KCND2: variants seen among roughly 807,000 people sequenced by gnomAD.
The protein encoded by KCND2 is A-type voltage-gated potassium channel KCND2.
KCND2 carries 16 observed loss-of-function variants against 54.4 expected under a neutral mutation model. The ratio of observed to expected loss-of-function variants is 0.29; its 90% CI spans 0.20 to 0.45. The LOEUF (loss-of-function observed/expected upper bound fraction) is 0.45, where lower values mean the gene tolerates loss of function less well. KCND2 is among the 20% of genes least tolerant of loss of function. KCND2 has a pLI of 1.00. For synonymous variants in KCND2, 317 were observed against 310.7 expected, an observed-to-expected ratio of 1.02 and a Z score of -0.21; for missense variants, 486 against 824.2, an observed-to-expected ratio of 0.59 and a Z score of 5.02.
At chr7:120,373,769 A>G (rs1021524330) in intron 1 of KCND2, among the ~76,000 whole-genome samples, 5 of 151,830 alleles carry the variant, frequency 3.3e-5, no homozygotes, top group African/African-American at 1.2e-4. Context: ...TATTTTGTGT[A>G]TGGAGGAGAG....
At chr7:120,549,967 A>G (rs1296857542) in intron 1 of KCND2, among the ~76,000 whole-genome samples, 2 of 152,258 alleles carry the variant, frequency 1.3e-5, no homozygotes, top group Middle Eastern at 3.4e-3. Flanking sequence ...ATAAGAGCAT[A>G]AAGATAAAGG....
intron 1 of KCND2, among the ~76,000 whole-genome samples, chr7:120,640,047 T>C (rs1455738193): frequency 6.6e-6 from 1 of 152,208 alleles, no homozygotes; most frequent in Non-Finnish European, 1.5e-5. Flanking sequence ...ATGTATCTTT[T>C]TAATAACATT....
intron 1 of KCND2, among the ~76,000 whole-genome samples, chr7:120,374,413 C>T (rs79898811): frequency 2.6e-5 from 4 of 151,650 alleles, no homozygotes; most frequent in African/African-American, 9.7e-5. Context: ...CCCACTCCCC[C>T]AACCCCCGAA....
chr7:120,410,149 T>A (rs1402605481), intron 1 of KCND2, among the ~76,000 whole-genome samples: 1 of 151,924 alleles, frequency 6.6e-6, no homozygotes, highest in Non-Finnish European at 1.5e-5. Flanking sequence ...AAAGATCATC[T>A]TTTTTTATTA....
Position 120,503,385 on chromosome 7 carries a change from T to TGAGAGAGAGAGAGAGA in KCND2, c.1115+227646_1115+227661dup, listed in dbSNP as rs58222636. Reference sequence around the variant, plus strand: ...TGAGATTACAAATTAGTCTCTAGAGTGAGAGAGAGAGAGAGAGAGAGAGTT... The same window carrying TGAGAGAGAGAGAGAGA: ...TGAGATTACAAATTAGTCTCTAGAGTGAGAGAGAGAGAGAGAGAGAGAGAGAGAGAGAGAGAGAGTT... On this transcript the variant is annotated intron_variant, in intron 1 of 5. Coordinates refer to ENST00000331113, the MANE Select transcript of KCND2 (RefSeq NM_012281.3). Among the ~76,000 whole-genome samples the TGAGAGAGAGAGAGAGA allele has an allele frequency of 3.2e-3, 472 of 146,660 alleles. 3 individuals carry two copies. Among genetic ancestry groups the TGAGAGAGAGAGAGAGA allele is most frequent in the East Asian group, 0.014 (69 of 4,988 alleles).
At chr7:120,324,675 C>T (rs917141560) in intron 1 of KCND2, among the ~76,000 whole-genome samples, 4 of 151,044 alleles carry the variant, frequency 2.6e-5, no homozygotes, top group Non-Finnish European at 4.5e-5. Context: ...GTTTTGGTAC[C>T]AGTACCATGC....
At chr7:120,552,405 G>C (rs939555043) in intron 1 of KCND2, among the ~76,000 whole-genome samples, 1 of 152,112 alleles carries the variant, frequency 6.6e-6, no homozygotes, top group Non-Finnish European at 1.5e-5. Context: ...TCTTGTCTGG[G>C]TTCTGTAACA....
intron 1 of KCND2, among the ~76,000 whole-genome samples, chr7:120,727,871 C>A (rs752626428): frequency 1.3e-5 from 2 of 151,956 alleles, no homozygotes; most frequent in Non-Finnish European, 2.9e-5. Flanking sequence ...CACGGTGGCT[C>A]ACGCTTGTAA....
intron 1 of KCND2, among the ~76,000 whole-genome samples, chr7:120,447,987 A>T (rs1008588638): frequency 2.0e-5 from 3 of 152,170 alleles, no homozygotes; most frequent in Non-Finnish European, 4.4e-5. Context: ...TGAAAATATG[A>T]TTTATATTGC....
chr7:120,403,852 C>T (rs919391201), intron 1 of KCND2, among the ~76,000 whole-genome samples: 1 of 151,762 alleles, frequency 6.6e-6, no homozygotes, highest in South Asian at 2.1e-4. Context: ...AAATTTAATT[C>T]TTCTTCTGCC....
chr7:120,413,576 CAT>C (rs1491380678), intron 1 of KCND2, among the ~76,000 whole-genome samples: 1 of 151,898 alleles, frequency 6.6e-6, no homozygotes, highest in Non-Finnish European at 1.5e-5. Context: ...CAGAATAACA[CAT>C]GTGAACAACC....
At chr7:120,471,942 G>A (rs963303790) in intron 1 of KCND2, among the ~76,000 whole-genome samples, 3 of 151,588 alleles carry the variant, frequency 2.0e-5, no homozygotes, top group African/African-American at 7.3e-5. Context: ...AGAACAACTA[G>A]ACTATAAGAA....
chr7:120,278,861 T>G (rs1799220478), intron 1 of KCND2, among the ~76,000 whole-genome samples: 1 of 151,782 alleles, frequency 6.6e-6, no homozygotes. Context: ...GAAAAAATAA[T>G]GTCAGAATTT....
intron 1 of KCND2, among the ~76,000 whole-genome samples, chr7:120,401,760 A>T (rs906720015): frequency 6.6e-6 from 1 of 152,104 alleles, no homozygotes; most frequent in Non-Finnish European, 1.5e-5. Context: ...TTGCTTTGTT[A>T]TTCTATCCCT....
chr7:120,350,793 C>T (rs557967911), intron 1 of KCND2, among the ~76,000 whole-genome samples: 1 of 152,288 alleles, frequency 6.6e-6, no homozygotes, highest in Admixed American at 6.5e-5. Context: ...TTAACATCCA[C>T]AGCAAGTGAA....
intron 1 of KCND2, among the ~76,000 whole-genome samples, chr7:120,523,940 A>C (rs930823758): frequency 1.3e-5 from 2 of 152,060 alleles, no homozygotes; most frequent in Non-Finnish European, 2.9e-5. Flanking sequence ...CAATGTCTAA[A>C]AAGGTCAAAA....
At chr7:120,537,151 A>G (rs1167368928) in intron 1 of KCND2, among the ~76,000 whole-genome samples, 1 of 152,236 alleles carries the variant, frequency 6.6e-6, no homozygotes, top group Admixed American at 6.5e-5. Context: ...GGGATGCAGG[A>G]TACATGTTAC....
chr7:120,550,146 A>C (rs1792088838), intron 1 of KCND2, among the ~76,000 whole-genome samples: 1 of 151,922 alleles, frequency 6.6e-6, no homozygotes, highest in Admixed American at 6.6e-5. Flanking sequence ...GCCATAACCA[A>C]TAATTACAGG....
intron 1 of KCND2, among the ~76,000 whole-genome samples, chr7:120,506,499 C>T (rs1803021537): frequency 6.6e-6 from 1 of 151,814 alleles, no homozygotes; most frequent in African/African-American, 2.4e-5. Context: ...ACAGCAAAGA[C>T]AAACATAGTA....
Sources: gnomAD v4.1 joint callset for allele counts (sites outside exome capture counted in the v4.1 genomes callset) on GRCh38, gnomAD v4.1.1 for gene constraint, MANE v1.5 for transcripts, NCBI Gene and HGNC (gene_info 2026-07-23, HGNC 2026-07-21) for gene names.